PCED1B: variants seen among roughly 807,000 people sequenced by gnomAD.
PCED1B encodes the protein PC-esterase domain containing 1B.
For synonymous variants in PCED1B, 251 were observed against 246.1 expected, an observed-to-expected ratio of 1.02 and a Z score of -0.19; for missense variants, 573 against 573.9, an observed-to-expected ratio of 1.00 and a Z score of 0.02.
chr12:47,226,375 T>C (rs1943632232), intron 3 of PCED1B, among the ~76,000 whole-genome samples: 6 of 152,130 alleles, frequency 3.9e-5, no homozygotes, highest in Non-Finnish European at 8.8e-5. Flanking sequence ...GAGAAGAGAT[T>C]GCCTCTCTTT....
chr12:47,173,783 A>C (rs145863167), intron 2 of PCED1B, among the ~76,000 whole-genome samples: 59 of 152,330 alleles, frequency 3.9e-4, no homozygotes, highest in African/African-American at 1.3e-3. Context: ...TATTAATCTA[A>C]AAGGAGAGAT....
intron 2 of PCED1B, among the ~76,000 whole-genome samples, chr12:47,133,490 G>A (rs1338452924): frequency 1.3e-5 from 2 of 152,130 alleles, no homozygotes; most frequent in African/African-American, 2.4e-5. Context: ...GTAGGGATGG[G>A]GGGTACATCA....
intron 2 of PCED1B, among the ~76,000 whole-genome samples, chr12:47,105,869 G>A (rs991610936): frequency 5.3e-5 from 8 of 152,300 alleles, no homozygotes; most frequent in South Asian, 2.1e-4. Flanking sequence ...GAATTGACAC[G>A]TATTATGACA....
chr12:47,155,717 C>T (rs1306696076), intron 2 of PCED1B, among the ~76,000 whole-genome samples: 2 of 152,216 alleles, frequency 1.3e-5, no homozygotes, highest in Non-Finnish European at 2.9e-5. Flanking sequence ...TGGAACCCAG[C>T]TAGGTCTCCC....
At chr12:47,099,798 A>G (rs897013532) in intron 1 of PCED1B, among the ~76,000 whole-genome samples, 1 of 152,228 alleles carries the variant, frequency 6.6e-6, no homozygotes, top group African/African-American at 2.4e-5. Flanking sequence ...AGCCACTATT[A>G]GCAATTGAAA....
intron 2 of PCED1B, among the ~76,000 whole-genome samples, chr12:47,127,996 G>A (rs11183752): frequency 0.22 from 33,158 of 152,182 alleles, 4,651 homozygotes; most frequent in Non-Finnish European, 0.31. Flanking sequence ...TAGGAGAACA[G>A]TGCTGTCATG....
intron 2 of PCED1B, among the ~76,000 whole-genome samples, chr12:47,171,685 G>T (rs757674224): frequency 1.3e-5 from 2 of 152,058 alleles, no homozygotes; most frequent in Non-Finnish European, 2.9e-5. Flanking sequence ...ATAATATCTT[G>T]CCTCAGATAT....
intron 2 of PCED1B, among the ~76,000 whole-genome samples, chr12:47,188,271 G>C (rs975441828): frequency 1.3e-5 from 2 of 152,116 alleles, no homozygotes; most frequent in Non-Finnish European, 2.9e-5. Flanking sequence ...GCTAATCTCA[G>C]GGGGGAATAG....
chr12:47,101,289 G>T (rs916738959), intron 1 of PCED1B, among the ~76,000 whole-genome samples: 2 of 152,130 alleles, frequency 1.3e-5, no homozygotes, highest in Non-Finnish European at 2.9e-5. Flanking sequence ...TGGGGAGTGG[G>T]CAAGAGCACT....
At chr12:47,170,376 A>G (rs553198720) in intron 2 of PCED1B, among the ~76,000 whole-genome samples, 1 of 152,276 alleles carries the variant, frequency 6.6e-6, no homozygotes, top group South Asian at 2.1e-4. Flanking sequence ...CGCCATCGTC[A>G]TCATGGCCCG....
intron 2 of PCED1B, among the ~76,000 whole-genome samples, chr12:47,179,382 G>A (rs1942026501): frequency 6.6e-6 from 1 of 152,156 alleles, no homozygotes; most frequent in East Asian, 1.9e-4. Context: ...TCTATCAAAT[G>A]CAAAAATTGC....
chr12:47,182,718 A>C (rs1942134819), intron 2 of PCED1B, among the ~76,000 whole-genome samples: 1 of 152,202 alleles, frequency 6.6e-6, no homozygotes, highest in Non-Finnish European at 1.5e-5. Context: ...CAGTTGACGA[A>C]AACTGTGGCT....
intron 2 of PCED1B, among the ~76,000 whole-genome samples, chr12:47,164,483 G>A (rs1941482546): frequency 6.6e-6 from 1 of 152,212 alleles, no homozygotes; most frequent in Non-Finnish European, 1.5e-5. Flanking sequence ...CTGGTATGGG[G>A]ACTGGGTCCC....
chr12:47,128,047 C>A (rs1257702454), intron 2 of PCED1B, among the ~76,000 whole-genome samples: 1 of 152,100 alleles, frequency 6.6e-6, no homozygotes, highest in Non-Finnish European at 1.5e-5. Flanking sequence ...ATGGTTGCAT[C>A]CTTCATTAAT....
At chr12:47,156,308 C>T (rs1204405249) in intron 2 of PCED1B, among the ~76,000 whole-genome samples, 8 of 152,122 alleles carry the variant, frequency 5.3e-5, no homozygotes, top group Non-Finnish European at 1.0e-4. Context: ...TGCTGGGTTG[C>T]CATGGCAGTA....
At chr12:47,203,316 T>C (rs1417777333) in intron 2 of PCED1B, among the ~76,000 whole-genome samples, 1 of 152,108 alleles carries the variant, frequency 6.6e-6, no homozygotes, top group Non-Finnish European at 1.5e-5. Context: ...TTTCCAACTT[T>C]TAAGTTTAGG....
intron 1 of PCED1B, among the ~76,000 whole-genome samples, chr12:47,091,314 G>A (rs1161468886): frequency 6.6e-6 from 1 of 151,912 alleles, no homozygotes; most frequent in Non-Finnish European, 1.5e-5. Flanking sequence ...ACAATTTTCT[G>A]TATGTTTATT....
chr12:47,219,046 C>T (rs1338689626), intron 3 of PCED1B, among the ~76,000 whole-genome samples: 1 of 152,116 alleles, frequency 6.6e-6, no homozygotes, highest in Non-Finnish European at 1.5e-5. Flanking sequence ...GAGACTGAGG[C>T]AGGAGAATCA....
chr12:47,166,036 G>T (rs995257790), intron 2 of PCED1B, among the ~76,000 whole-genome samples: 1 of 152,026 alleles, frequency 6.6e-6, no homozygotes, highest in Non-Finnish European at 1.5e-5. Flanking sequence ...TTGATTAAAC[G>T]CTAGCATAGC....
Sources: allele counts gnomAD v4.1 joint callset (sites outside exome capture counted in the v4.1 genomes callset), GRCh38; gene constraint gnomAD v4.1.1; transcripts MANE v1.5; gene names NCBI Gene and HGNC (gene_info 2026-07-23, HGNC 2026-07-21).